CBX7: variants seen among roughly 807,000 people sequenced by gnomAD.
CBX7 encodes the protein chromobox protein homolog 7.
In CBX7, 14 loss-of-function variants were observed where a neutral mutation model predicts 31.4. That is an observed-to-expected ratio of 0.45 (90% CI 0.29 to 0.70). The LOEUF is 0.70. Among genes scored for constraint, CBX7 ranks in the 30% least tolerant of loss-of-function variants. The pLI is 0.11. For synonymous variants in CBX7, 159 were observed against 152.6 expected, an observed-to-expected ratio of 1.04 and a Z score of -0.31; for missense variants, 269 against 351.9, an observed-to-expected ratio of 0.76 and a Z score of 1.89.
chr22:39,139,322 C>T lies in CBX7; in HGVS notation c.180-620G>A, dbSNP rs573721341. On this transcript the variant is annotated intron_variant, in intron 3 of 5. Transcript: ENST00000216133. ...AACTCAGGCCGGGTGCGGTGGCTCA[C>T]GCCTGTAATCCCAGCAGTTTGGGAG... is the stretch of plus-strand genomic sequence containing the variant. Among the ~76,000 whole-genome samples, 13 of 152,288 alleles carry T rather than the reference C, an allele frequency of 8.5e-5. 1 individual carries two copies. Among genetic ancestry groups the T allele is most frequent in the South Asian group, 4.1e-4 (2 of 4,828 alleles).
At chr22:39,147,858 G>A (rs1242780993) in intron 2 of CBX7, 3 of 152,236 alleles carry the variant, frequency 2.0e-5, no homozygotes, top group Admixed American at 6.5e-5. Context: ...GAATCCCTTA[G>A]GTCCCTTTCC....
chr22:39,145,719 G>C (rs1469940174), intron 2 of CBX7, among the ~76,000 whole-genome samples: 3 of 145,736 alleles, frequency 2.1e-5, no homozygotes, highest in African/African-American at 7.8e-5. Flanking sequence ...GGCAAACCGA[G>C]GGGGCGGGGG....
chr22:39,138,780 G>A (rs1022414639), intron 3 of CBX7, 78 bp from the exon 4 acceptor site: 25 of 1,318,338 alleles, frequency 1.9e-5, no homozygotes, highest in South Asian at 3.5e-5. Flanking sequence ...CGCTTCGCCC[G>A]CCCTCTGCTG....
intron 3 of CBX7, 192 bp downstream of exon 3, chr22:39,141,179 G>C: frequency 3.7e-6 from 2 of 543,900 alleles, no homozygotes; most frequent in Non-Finnish European, 6.5e-6. Context: ...CCAACAACAG[G>C]AAAGGGCCCC....
At chr22:39,136,030 C>G (rs1930240043) in intron 4 of CBX7, 8 of 148,006 alleles carry the variant, frequency 5.4e-5, no homozygotes, top group Admixed American at 3.5e-4. Context: ...GCAGAGCTTG[C>G]AGTGAGCAGA....
At chr22:39,134,191 G>A in intron 5 of CBX7, 143 bp from the exon 6 acceptor site, 2 of 939,048 alleles carry the variant, frequency 2.1e-6, no homozygotes, top group Admixed American at 2.8e-5. Flanking sequence ...CACTTGGGAG[G>A]AGGGCACTGG....
intron 2 of CBX7, among the ~76,000 whole-genome samples, chr22:39,143,962 C>G (rs796430441): frequency 7.2e-5 from 11 of 152,332 alleles, no homozygotes; most frequent in African/African-American, 2.6e-4. Flanking sequence ...CAGACAAAAG[C>G]AAAGCGATGC....
chr22:39,143,843 T>C (rs1263064237), intron 2 of CBX7, among the ~76,000 whole-genome samples: 1 of 152,268 alleles, frequency 6.6e-6, no homozygotes, highest in Non-Finnish European at 1.5e-5. Context: ...TTGTACCATC[T>C]AGGTGTGCCT....
intron 4 of CBX7, chr22:39,136,764 C>T (rs1930268803): frequency 6.6e-6 from 1 of 152,296 alleles, no homozygotes; most frequent in Admixed American, 6.5e-5. Context: ...ATAACGAACA[C>T]ACCTGCCCTG....
chr22:39,148,500 T>G (rs1226015660), intron 2 of CBX7: 1 of 152,262 alleles, frequency 6.6e-6, no homozygotes, highest in African/African-American at 2.4e-5. Context: ...GCGGTGCTCC[T>G]GCTGCCCACT....
rs1310215464 is a variant in CBX7, at chr22:39,133,604, GGA to G, written c.*285_*286del. 2 of 287,294 alleles carry G rather than the reference GGA, an allele frequency of 7.0e-6. No individual in the cohort carries two copies. Among genetic ancestry groups the G allele is most frequent in the East Asian group, 1.3e-4 (2 of 15,470 alleles). 17.8% of individuals were successfully genotyped at this position (287,294 alleles called of 1,614,324 possible). ...CAGAACCAGCTGCTGCGTCACTAGA[GGA>G]GAATGATAATGGTGGTGTCCCGGGC... On this transcript the variant is annotated 3_prime_UTR_variant, in exon 6 of 6. Transcript: ENST00000216133.
intron 1 of CBX7, among the ~76,000 whole-genome samples, chr22:39,151,946 G>A (rs753484016): frequency 6.6e-6 from 1 of 152,118 alleles, no homozygotes; most frequent in Non-Finnish European, 1.5e-5. Context: ...AGAGGCCGGA[G>A]GAGACTTTTC....
intron 2 of CBX7, among the ~76,000 whole-genome samples, chr22:39,141,780 CT>C (rs1930466598): frequency 6.6e-6 from 1 of 151,702 alleles, no homozygotes; most frequent in Non-Finnish European, 1.5e-5. Context: ...ATCGCTTCTA[CT>C]GGGCAGGTGC....
rs1930109831 is a variant in CBX7 at position 39,133,229 on chromosome 22, A to G, written c.*662T>C. On this transcript the variant is annotated 3_prime_UTR_variant, in exon 6 of 6. Transcript: ENST00000216133. ...CGTACACGCGAAGGGTAATGCGTGCACACCTGTGCAGCCAGGTGTGCATGA... is the reference window on the plus strand; with the variant it reads ...CGTACACGCGAAGGGTAATGCGTGCGCACCTGTGCAGCCAGGTGTGCATGA... 2 of 152,136 alleles carry G rather than the reference A, an allele frequency of 1.3e-5. No individual in the cohort carries two copies. Among genetic ancestry groups the G allele is most frequent in the East Asian group, 3.9e-4 (2 of 5,122 alleles). The allele number at this position is 152,136 out of a possible 1,614,324, so 9.4% of individuals were successfully genotyped here.
chr22:39,138,490 C>G (rs1930335393), intron 4 of CBX7, 146 bp downstream of exon 4: 1 of 756,754 alleles, frequency 1.3e-6, no homozygotes, highest in Non-Finnish European at 2.3e-6. Context: ...CAAAACTTAC[C>G]CAAGTGCCCC....
intron 2 of CBX7, among the ~76,000 whole-genome samples, chr22:39,144,996 C>T (rs1224882880): frequency 2.0e-5 from 3 of 152,206 alleles, no homozygotes; most frequent in Non-Finnish European, 2.9e-5. Context: ...CACACTCCGC[C>T]TTCAGGCTCC....
At chr22:39,141,069 C>CT (rs1296469584) in intron 3 of CBX7, 1 of 363,224 alleles carries the variant, frequency 2.8e-6, no homozygotes, top group Non-Finnish European at 5.1e-6. Flanking sequence ...TACGGCCCCT[C>CT]TGAGGTTTCA....
At position 39,138,084 on chromosome 22, in the gene CBX7, G is replaced by A. The variant is rs919360858; in HGVS notation, c.246+552C>T. Among the ~76,000 whole-genome samples the A allele has an allele frequency of 3.0e-4, 46 of 151,920 alleles. 1 individual carries two copies. Among genetic ancestry groups the A allele is most frequent in the Non-Finnish European group, 2.9e-5 (2 of 68,004 alleles). On this transcript the variant is annotated intron_variant, in intron 4 of 5. Coordinates refer to ENST00000216133, the MANE Select transcript of CBX7 (RefSeq NM_175709.5). ...TAGTCCCAGCTACTGGGGAGGCTGA[G>A]GCAGGAGAATGGCGTGAACCCGGGA...
At position 39,152,310 on chromosome 22, in the gene CBX7, G is replaced by T; in HGVS notation, c.69+66C>A. On this transcript the variant is annotated intron_variant, in intron 1 of 5. Transcript: ENST00000216133. This position sits in a 1 kb window ranked among gnomAD's most constrained non-coding sequence, Gnocchi z 4.9. ...CTTTCCCCTTCAGCCCCAGCGTGGA[G>T]GGAGCGGTGCTGGGGACGGGAGGGA... 1 of 1,079,134 alleles carries T rather than the reference G, an allele frequency of 9.3e-7. No homozygotes were observed. Among genetic ancestry groups the T allele is most frequent in the Non-Finnish European group, 1.2e-6 (1 of 831,114 alleles). 66.8% of individuals were successfully genotyped at this position (1,079,134 alleles called of 1,614,324 possible).
Sources: allele counts gnomAD v4.1 joint callset (sites outside exome capture counted in the v4.1 genomes callset), GRCh38; gene constraint gnomAD v4.1.1; non-coding constraint Gnocchi (gnomAD v3.1); transcripts MANE v1.5; gene names NCBI Gene and HGNC (gene_info 2026-07-23, HGNC 2026-07-21).